PIGN: variants seen among roughly 807,000 people sequenced by gnomAD.
The protein encoded by PIGN is GPI ethanolamine phosphate transferase 1.
In PIGN, 117 loss-of-function variants were observed where a neutral mutation model predicts 125.4. That is an observed-to-expected ratio of 0.93 (90% CI 0.80 to 1.09). PIGN has a LOEUF of 1.09. Among genes scored for constraint, PIGN ranks in the 50% least tolerant of loss-of-function variants. The probability of loss-of-function intolerance (pLI) is 0.00; values close to 1 mark genes in which losing one functional copy is unlikely to be tolerated. For synonymous variants in PIGN, 392 were observed against 377.8 expected, an observed-to-expected ratio of 1.04 and a Z score of -0.44; for missense variants, 1,075 against 1,094.9, an observed-to-expected ratio of 0.98 and a Z score of 0.26.
chr18:62,176,136 G>A (rs2037517096), intron 1 of PIGN, among the ~76,000 whole-genome samples: 1 of 152,070 alleles, frequency 6.6e-6, no homozygotes, highest in Admixed American at 6.5e-5. Context: ...AATCAAGTGA[G>A]AATATAATTG....
At chr18:62,125,149 T>TAC (rs905481951) in intron 14 of PIGN, among the ~76,000 whole-genome samples, 2 of 10,694 alleles carry the variant, frequency 1.9e-4, no homozygotes, top group Admixed American at 1.2e-3. Flanking sequence ...TACATATGTG[T>TAC]ATATACATGT....
chr18:62,051,524 A>G (rs2031285802), intron 30 of PIGN, among the ~76,000 whole-genome samples: 1 of 152,100 alleles, frequency 6.6e-6, no homozygotes, highest in Non-Finnish European at 1.5e-5. Flanking sequence ...GGTAGTTTGT[A>G]TTTCTGTGGG....
intron 28 of PIGN, among the ~76,000 whole-genome samples, chr18:62,081,244 T>TA (rs2033435224): frequency 6.6e-6 from 1 of 152,202 alleles, no homozygotes; most frequent in East Asian, 1.9e-4. Context: ...ATAAGACTGT[T>TA]AAAAGGTGAA....
intron 7 of PIGN, chr18:62,154,008 T>C (rs2036629401): frequency 6.6e-6 from 1 of 152,430 alleles, no homozygotes; most frequent in African/African-American, 2.4e-5. Context: ...GTATTCCTCA[T>C]GAAACTATGA....
intron 20 of PIGN, among the ~76,000 whole-genome samples, chr18:62,103,146 C>A (rs1714990261): frequency 1.3e-5 from 2 of 152,172 alleles, no homozygotes; most frequent in South Asian, 4.2e-4. Context: ...CCTCTCCCCA[C>A]AATTTTCTAA....
intron 10 of PIGN, among the ~76,000 whole-genome samples, chr18:62,145,493 T>G (rs547411913): frequency 6.6e-6 from 1 of 152,350 alleles, no homozygotes; most frequent in South Asian, 2.1e-4. Context: ...TAGAAATATC[T>G]TGTAGGTAGG....
chr18:62,174,227 A>C (rs902154951), intron 1 of PIGN: 9 of 152,182 alleles, frequency 5.9e-5, no homozygotes, highest in East Asian at 1.9e-4. Context: ...AAAAAAAAAA[A>C]ACTGATCATT....
chr18:62,074,109 T>C (rs1199346428), intron 29 of PIGN, among the ~76,000 whole-genome samples: 2 of 152,240 alleles, frequency 1.3e-5, no homozygotes, highest in Non-Finnish European at 2.9e-5. Flanking sequence ...GGTAATGCTG[T>C]CCTGATTCCA....
intron 15 of PIGN, 105 bp downstream of exon 15, chr18:62,114,456 A>G: frequency 1.4e-6 from 1 of 693,822 alleles, no homozygotes; most frequent in Non-Finnish European, 2.6e-6. Flanking sequence ...TCCTTCCTTG[A>G]GGGCTCAAGA....
chr18:62,051,941 G>T (rs1413476677), intron 30 of PIGN: 1 of 152,088 alleles, frequency 6.6e-6, no homozygotes. Context: ...CTTTATTTCT[G>T]CCTTCCTTTC....
chr18:62,078,362 A>C (rs2145834924), intron 28 of PIGN, among the ~76,000 whole-genome samples: 2 of 152,340 alleles, frequency 1.3e-5, no homozygotes, highest in African/African-American at 4.8e-5. Context: ...ATTCTGTGGA[A>C]ACTGAAGAAC....
chr18:62,167,142 C>G (rs979518209), intron 1 of PIGN, among the ~76,000 whole-genome samples: 3 of 152,116 alleles, frequency 2.0e-5, no homozygotes, highest in African/African-American at 7.2e-5. Flanking sequence ...CAGACTGACA[C>G]CTCGTTCTCT....
chr18:62,113,918 A>G (rs1287768579), intron 15 of PIGN, among the ~76,000 whole-genome samples: 1 of 152,224 alleles, frequency 6.6e-6, no homozygotes, highest in Non-Finnish European at 1.5e-5. Context: ...AAATTTCAAC[A>G]TGAATCATTA....
chr18:62,020,774 C>T (rs528674727), intron 23 of PIGN, among the ~76,000 whole-genome samples: 1 of 149,046 alleles, frequency 6.7e-6, no homozygotes, highest in African/African-American at 2.5e-5. Context: ...CATGGTGAAA[C>T]CCCGTCTCTG....
In PIGN at chr18:62,043,546, TAATA is replaced by T. The variant is rs1184361851; in HGVS notation, c.*2306_*2309del. On this transcript the variant is annotated 3_prime_UTR_variant, in exon 31 of 31. Coordinates refer to ENST00000640252, the MANE Select transcript of PIGN (RefSeq NM_176787.5). ...AGCTTTTCTAATTCAGCTCTATCAT[TAATA>T]AATAATTATAAAGACATTACTATGA... 2.6e-5 allele frequency: 4 copies of T among 152,196 alleles called. No homozygotes were observed. The highest frequency in any genetic ancestry group is 5.9e-5 in the Non-Finnish European group (4 of 68,026). 9.4% of individuals were successfully genotyped at this position (152,196 alleles called of 1,614,324 possible). A position where few individuals can be genotyped will look rare whatever the true frequency, so the allele number is the denominator to read the frequency against.
chr18:62,134,313 C>T (rs1253302247), intron 14 of PIGN, among the ~76,000 whole-genome samples: 1 of 152,138 alleles, frequency 6.6e-6, no homozygotes, highest in Non-Finnish European at 1.5e-5. Flanking sequence ...ATTGCTTGAA[C>T]CCAGGAGGCA....
At chr18:62,081,562 T>C (rs1213041514) in intron 28 of PIGN, among the ~76,000 whole-genome samples, 3 of 152,180 alleles carry the variant, frequency 2.0e-5, no homozygotes, top group Non-Finnish European at 2.9e-5. Context: ...AGCATTACTA[T>C]AGACACGCAC....
chr18:62,091,587 A>G (rs1056078440), intron 23 of PIGN, among the ~76,000 whole-genome samples: 1 of 152,208 alleles, frequency 6.6e-6, no homozygotes, highest in Non-Finnish European at 1.5e-5. Context: ...AGGAAACAGA[A>G]AACAACCTAC....
At position 62,088,547 on chromosome 18, in the gene PIGN, G is replaced by C. The variant is rs2033814700; in HGVS notation, c.2370+209C>G. 1.3e-5 allele frequency: 4 copies of C among 302,126 alleles called. No individual in the cohort carries two copies. In the East Asian group the frequency reaches 2.7e-4, roughly 20 times the overall value. The allele number at this position is 302,126 out of a possible 1,614,324, so 18.7% of individuals were successfully genotyped here. A position where few individuals can be genotyped will look rare whatever the true frequency, so the allele number is the denominator to read the frequency against. ...CTAATGGCTAATATCTGAATAGCAG[G>C]AATATATATATATACATACATAAAA... On this transcript the variant is annotated intron_variant, in intron 25 of 30. Transcript: ENST00000640252.
Sources: gnomAD v4.1 joint callset for allele counts (sites outside exome capture counted in the v4.1 genomes callset) on GRCh38, gnomAD v4.1.1 for gene constraint, MANE v1.5 for transcripts, NCBI Gene and HGNC (gene_info 2026-07-23, HGNC 2026-07-21) for gene names.